The following ATP10A variants were observed in gnomAD, a reference collection of about 807,000 sequenced individuals.
The protein encoded by ATP10A is phospholipid-transporting ATPase VA.
A neutral mutation model predicts 147.8 loss-of-function variants in ATP10A; 111 were observed. That is an observed-to-expected ratio of 0.75 (90% CI 0.64 to 0.88). The LOEUF (loss-of-function observed/expected upper bound fraction) is 0.88, where lower values mean the gene tolerates loss of function less well. ATP10A is among the 40% of genes least tolerant of loss of function. ATP10A has a pLI of 0.00. For missense variants in ATP10A, 1,927 were observed against 1,959.0 expected (o/e 0.98, Z 0.31); for synonymous variants, 875 against 841.6 (o/e 1.04, Z -0.69).
chr15:25,754,615 A>G (rs571084787), intron 2 of ATP10A, among the ~76,000 whole-genome samples: 67 of 152,274 alleles, frequency 4.4e-4, no homozygotes, highest in Non-Finnish European at 8.2e-4. Context: ...GGTCAAGGCA[A>G]TCTCAGAGGT....
intron 13 of ATP10A, among the ~76,000 whole-genome samples, chr15:25,701,623 G>A (rs186678325): frequency 6.6e-6 from 1 of 152,326 alleles, no homozygotes; most frequent in East Asian, 1.9e-4. Context: ...TGGCTCCACT[G>A]TGGAAGCACA....
intron 8 of ATP10A, among the ~76,000 whole-genome samples, chr15:25,717,717 CT>C (rs1901908065): frequency 8.6e-6 from 1 of 115,950 alleles, no homozygotes; most frequent in Non-Finnish European, 1.8e-5. Context: ...GTGAAAGGCT[CT>C]TTCAGAGGTT....
chr15:25,727,076 A>T, intron 4 of ATP10A, 84 bp downstream of exon 4: 1 of 1,134,778 alleles, frequency 8.8e-7, no homozygotes, highest in Non-Finnish European at 1.3e-6. Flanking sequence ...AATGAAAAAG[A>T]AAAAAGAAAA....
chr15:25,709,538 A>T (rs1334877137), intron 10 of ATP10A: 1 of 152,266 alleles, frequency 6.6e-6, no homozygotes, highest in African/African-American at 2.4e-5. Context: ...ACCACTCTCC[A>T]AAACAAAATG....
At position 25,702,097 on chromosome 15, in the gene ATP10A, G is replaced by A. The variant is rs1200926843; in HGVS notation, c.2579C>T (p.Ala860Val). 1 of 1,610,540 alleles carries A rather than the reference G, an allele frequency of 6.2e-7. No homozygotes were observed. The highest frequency in any genetic ancestry group is 8.5e-7 in the Non-Finnish European group (1 of 1,178,252). Residue 860 changes from alanine to valine, a missense_variant, in exon 13 of 21, where the codon GCC (alanine) becomes GTC (valine). Ala to Val is a moderately conservative substitution (Grantham distance 64). Transcript: ENST00000555815. ...RLETNLHLLG[A>V]TGIEDRLQDG... ...CTGCAGGCGGTCTTCAATCCCAGTG[G>A]CACCTGGTCAAATGCACAGCAGTGT...
intron 2 of ATP10A, among the ~76,000 whole-genome samples, chr15:25,778,838 G>T (rs1445848401): frequency 6.6e-6 from 1 of 152,092 alleles, no homozygotes; most frequent in South Asian, 2.1e-4. Flanking sequence ...ATACGACTGG[G>T]TTCAGAAGTT....
At chr15:25,823,022 C>T (rs1314646454) in intron 1 of ATP10A, among the ~76,000 whole-genome samples, 1 of 151,430 alleles carries the variant, frequency 6.6e-6, no homozygotes, top group Middle Eastern at 3.2e-3. Context: ...ATTGATGCTT[C>T]TGCAATGTAC....
At chr15:25,691,959 A>G (rs1427663782) in intron 14 of ATP10A, among the ~76,000 whole-genome samples, 168 bp from the exon 15 acceptor site, 2 of 152,172 alleles carry the variant, frequency 1.3e-5, no homozygotes, top group Non-Finnish European at 2.9e-5. Flanking sequence ...GAATAGAGTT[A>G]AGCATTCAGA....
intron 3 of ATP10A, among the ~76,000 whole-genome samples, chr15:25,729,858 T>C (rs988341963): frequency 6.6e-6 from 1 of 152,142 alleles, no homozygotes. Flanking sequence ...GAGCTGCTCA[T>C]GTCCTATCCA....
chr15:25,748,043 A>G (rs1011835473), intron 2 of ATP10A, among the ~76,000 whole-genome samples: 2 of 152,070 alleles, frequency 1.3e-5, no homozygotes, highest in Non-Finnish European at 2.9e-5. Flanking sequence ...GCTCACTGCA[A>G]GCTCTGCCTC....
intron 1 of ATP10A, chr15:25,841,345 C>T (rs1892804631): frequency 2.0e-5 from 3 of 150,912 alleles, no homozygotes; most frequent in Admixed American, 2.0e-4. Flanking sequence ...TATATACTTC[C>T]TCCACTGAAC....
rs930481462 is a variant in ATP10A, at chr15:25,798,415, A to T, written c.450-17192T>A. Among the ~76,000 whole-genome samples, 4 of 152,268 alleles carry T rather than the reference A, an allele frequency of 2.6e-5. No individual in the cohort carries two copies. The South Asian group carries it at 8.3e-4, about 32-fold the overall frequency. On this transcript the variant is annotated intron_variant, in intron 1 of 20. Coordinates refer to ENST00000555815, the MANE Select transcript of ATP10A (RefSeq NM_024490.4). ...GGCAGTCTGAAGTCCCATAGCCACC[A>T]GGAGGGCTCAGGCGGGAATCCTAAA...
downstream of ATP10A, chr15:25,678,604 T>C (rs1366205130): frequency 6.6e-6 from 1 of 152,192 alleles, no homozygotes; most frequent in African/African-American, 2.4e-5. Context: ...GCAGCTGTTT[T>C]CTTCATAGCC....
intron 1 of ATP10A, among the ~76,000 whole-genome samples, chr15:25,797,962 A>G (rs531934798): frequency 6.6e-6 from 1 of 152,320 alleles, no homozygotes; most frequent in East Asian, 1.9e-4. Flanking sequence ...GTCCAAGGAG[A>G]GAGTTAAATG....
At chr15:25,784,903 C>T (rs8040641) in intron 1 of ATP10A, among the ~76,000 whole-genome samples, 1,682 of 149,412 alleles carry the variant, frequency 0.011, 33 homozygotes, top group African/African-American at 0.04. Context: ...GCCTGGGTGA[C>T]GGAGCGAGAC....
In ATP10A at chr15:25,858,545, C is replaced by G. The variant is rs534178179; in HGVS notation, c.449+4103G>C. ...AGCTCACCTTCTCATCTGCTCAGCT[C>G]TTCCAAAACAACAAAGCATGAAGGG... On this transcript the variant is annotated intron_variant, in intron 1 of 20. Transcript: ENST00000555815. Among the ~76,000 whole-genome samples the G allele has an allele frequency of 2.0e-5, 3 of 152,214 alleles. No homozygotes were observed. The South Asian group carries it at 6.2e-4, about 32-fold the overall frequency.
chr15:25,789,301 C>A (rs922665848), intron 1 of ATP10A, among the ~76,000 whole-genome samples: 2 of 152,116 alleles, frequency 1.3e-5, no homozygotes, highest in East Asian at 1.9e-4. Flanking sequence ...TGTTAATGAA[C>A]CTAACATGCA....
At chr15:25,764,910 G>T (rs1213834771) in intron 2 of ATP10A, among the ~76,000 whole-genome samples, 2 of 152,224 alleles carry the variant, frequency 1.3e-5, no homozygotes, top group Admixed American at 1.3e-4. Context: ...TTCAGGAAAT[G>T]AGTGCCACTG....
intron 19 of ATP10A, 92 bp from the exon 20 acceptor site, chr15:25,680,400 G>A: frequency 7.3e-7 from 1 of 1,375,406 alleles, no homozygotes; most frequent in Non-Finnish European, 1.0e-6. Flanking sequence ...CAATGAGCAG[G>A]TGTGAGGTTC....
Sources: gnomAD v4.1 joint callset for allele counts (sites outside exome capture counted in the v4.1 genomes callset) on GRCh38, gnomAD v4.1.1 for gene constraint, MANE v1.5 for transcripts, NCBI Gene and HGNC (gene_info 2026-07-23, HGNC 2026-07-21) for gene names.